TP63: variants seen among roughly 807,000 people sequenced by gnomAD.
TP63 encodes tumor protein p63.
TP63 carries 17 observed loss-of-function variants against 82.8 expected under a neutral mutation model. The observed-to-expected ratio is 0.21, with a 90% confidence interval of 0.14 to 0.31. The LOEUF (loss-of-function observed/expected upper bound fraction) is 0.31, where lower values mean the gene tolerates loss of function less well. Among genes scored for constraint, TP63 ranks in the 10% least tolerant of loss-of-function variants. The pLI is 1.00. For synonymous variants in TP63, 330 were observed against 321.7 expected, an observed-to-expected ratio of 1.03 and a Z score of -0.28; for missense variants, 648 against 895.3, an observed-to-expected ratio of 0.72 and a Z score of 3.52.
chr3:189,882,634 G>A (rs758813417), intron 10 of TP63, among the ~76,000 whole-genome samples: 1 of 152,116 alleles, frequency 6.6e-6, no homozygotes, highest in Non-Finnish European at 1.5e-5. Flanking sequence ...AGCAGTGGAA[G>A]ATTTTAGCCA....
At chr3:189,649,384 A>G (rs1712691806) in intron 1 of TP63, among the ~76,000 whole-genome samples, 1 of 146,994 alleles carries the variant, frequency 6.8e-6, no homozygotes, top group African/African-American at 2.5e-5. Flanking sequence ...AGAAAACCAA[A>G]TAGCATTATG....
intron 3 of TP63, among the ~76,000 whole-genome samples, chr3:189,748,526 A>AAAAAAAAAAAAAAAT: frequency 6.6e-6 from 1 of 150,874 alleles, no homozygotes; most frequent in Admixed American, 6.6e-5. Flanking sequence ...AAAAAAAAAA[A>AAAAAAAAAAAAAAAT]AAAAAAAGGC....
intron 13 of TP63, among the ~76,000 whole-genome samples, chr3:189,892,955 G>A (rs1721168954): frequency 1.3e-5 from 2 of 152,044 alleles, no homozygotes; most frequent in African/African-American, 4.8e-5. Flanking sequence ...AGAAATGTTG[G>A]GAAGCTGTGC....
At chr3:189,744,359 T>A (rs1721215485) in intron 3 of TP63, among the ~76,000 whole-genome samples, 1 of 152,132 alleles carries the variant, frequency 6.6e-6, no homozygotes, top group Non-Finnish European at 1.5e-5. Flanking sequence ...TGAACATTGT[T>A]CTGGCCTCCC....
chr3:189,737,239 C>T (rs144546256), intron 1 of TP63, among the ~76,000 whole-genome samples: 227 of 151,996 alleles, frequency 1.5e-3, no homozygotes, highest in Middle Eastern at 0.01. Context: ...TCTAAGATTG[C>T]GGTTATGGGA....
At chr3:189,609,152 A>G in the TP63 span, among the ~76,000 whole-genome samples, 1 of 152,122 alleles carries the variant, frequency 6.6e-6, no homozygotes, top group African/African-American at 2.4e-5. Context: ...AAATCACTTG[A>G]GTATAATTTT....
At chr3:189,826,804 G>A (rs1358996799) in intron 4 of TP63, among the ~76,000 whole-genome samples, 4 of 152,172 alleles carry the variant, frequency 2.6e-5, no homozygotes, top group Admixed American at 6.5e-5. Flanking sequence ...CCCAAGATGC[G>A]TTTGTTGAGG....
chr3:189,777,842 C>CTTTTTT (rs1723924680), intron 3 of TP63, among the ~76,000 whole-genome samples: 2 of 65,928 alleles, frequency 3.0e-5, no homozygotes, highest in African/African-American at 1.3e-4. Flanking sequence ...TCTTCTTCTT[C>CTTTTTT]TTCTTTTTTT....
chr3:189,735,759 A>G (rs1720543479), intron 1 of TP63, among the ~76,000 whole-genome samples: 1 of 152,196 alleles, frequency 6.6e-6, no homozygotes, highest in Non-Finnish European at 1.5e-5. Flanking sequence ...GCATAGTCTG[A>G]CTGTGTCTGT....
At chr3:189,680,468 G>A (rs1422576707) in intron 1 of TP63, among the ~76,000 whole-genome samples, 3 of 152,016 alleles carry the variant, frequency 2.0e-5, no homozygotes, top group African/African-American at 2.4e-5. Flanking sequence ...TACTAAATCC[G>A]CCTAAATAAA....
chr3:189,838,079 A>G (rs1175402187), intron 4 of TP63, among the ~76,000 whole-genome samples: 1 of 152,224 alleles, frequency 6.6e-6, no homozygotes, highest in Non-Finnish European at 1.5e-5. Context: ...GGTCAGGATT[A>G]GTGAGGTGAC....
intron 3 of TP63, among the ~76,000 whole-genome samples, chr3:189,796,848 G>T (rs1725758956): frequency 6.6e-6 from 1 of 151,978 alleles, no homozygotes; most frequent in South Asian, 2.1e-4. Flanking sequence ...TTGATTGATT[G>T]CATGTTTGAT....
At position 189,738,684 on chromosome 3, in the gene TP63, T is replaced by C; in HGVS notation, c.234T>C (p.Asp78=). Residue 78 remains aspartate, a synonymous_variant, in exon 3 of 14, where the codon GAT becomes GAC. Coordinates refer to ENST00000264731, the MANE Select transcript of TP63 (RefSeq NM_003722.5). Reference sequence around the variant, plus strand: ...AGCCCATTGACTTGAACTTTGTGGATGAACCATCAGAAGATGGTGCGACAA... The same window carrying C: ...AGCCCATTGACTTGAACTTTGTGGACGAACCATCAGAAGATGGTGCGACAA... ...SVQPIDLNFV[D]EPSEDGATNK... is the part of the protein sequence containing the mutation. 2 of 1,614,164 alleles carry C rather than the reference T, an allele frequency of 1.2e-6. No homozygotes were observed. The highest frequency in any genetic ancestry group is 1.7e-6 in the Non-Finnish European group (2 of 1,180,006).
chr3:189,716,186 C>T (rs1297060061), intron 1 of TP63, among the ~76,000 whole-genome samples: 3 of 152,194 alleles, frequency 2.0e-5, no homozygotes, highest in African/African-American at 4.8e-5. Context: ...GTGCTCAATG[C>T]ATCCGTTACT....
chr3:189,892,801 T>TA (rs1456039000), intron 13 of TP63, among the ~76,000 whole-genome samples: 1 of 152,026 alleles, frequency 6.6e-6, no homozygotes, highest in African/African-American at 2.4e-5. Context: ...CAAAAAATAA[T>TA]AAAAAAAGCT....
chr3:189,742,028 A>C (rs1721022196), intron 3 of TP63, among the ~76,000 whole-genome samples: 1 of 151,814 alleles, frequency 6.6e-6, no homozygotes, highest in African/African-American at 2.4e-5. Context: ...GGATCACCTG[A>C]GGTCAGGAGT....
chr3:189,705,057 A>AT (rs1450892224), intron 1 of TP63, among the ~76,000 whole-genome samples: 9 of 152,196 alleles, frequency 5.9e-5, no homozygotes, highest in Admixed American at 4.6e-4. Context: ...TTTCTTCAAT[A>AT]TTTTTTACCT....
the TP63 span, among the ~76,000 whole-genome samples, chr3:189,597,911 A>C: frequency 1.3e-5 from 2 of 148,166 alleles, no homozygotes; most frequent in South Asian, 4.4e-4. Context: ...CTTAGGCAAT[A>C]GAGTGAGACC....
chr3:189,601,652 G>A, the TP63 span, among the ~76,000 whole-genome samples: 1 of 152,108 alleles, frequency 6.6e-6, no homozygotes, highest in African/African-American at 2.4e-5. Context: ...TTCATGAGTA[G>A]TACTCATATT....
Sources: allele counts gnomAD v4.1 joint callset (sites outside exome capture counted in the v4.1 genomes callset), GRCh38; gene constraint gnomAD v4.1.1; transcripts MANE v1.5; gene names NCBI Gene and HGNC (gene_info 2026-07-23, HGNC 2026-07-21).